Variants in RBFOX1 observed in about 807,000 individuals in gnomAD.
RBFOX1 encodes the protein RNA binding protein fox-1 homolog 1.
RBFOX1 carries 8 observed loss-of-function variants against 57.7 expected under a neutral mutation model. The observed-to-expected ratio is 0.14, with a 90% CI of 0.08 to 0.25. The LOEUF is 0.25. Ranked by LOEUF, RBFOX1 falls within the 10% of genes least tolerant of loss-of-function variation. The probability of loss-of-function intolerance (pLI) is 1.00; values close to 1 mark genes in which losing one functional copy is unlikely to be tolerated. For synonymous variants in RBFOX1, 326 were observed against 222.4 expected (o/e 1.47, Z -4.15); for missense variants, 611 against 548.5 (o/e 1.11, Z -1.14).
intron 3 of RBFOX1, among the ~76,000 whole-genome samples, chr16:6,997,839 G>A (rs1245520156): frequency 6.6e-6 from 1 of 152,116 alleles, no homozygotes; most frequent in Non-Finnish European, 1.5e-5. Context: ...TTGTCTTCTA[G>A]TAATAGCAGG....
chr16:5,956,779 T>C (rs911680014), intron 4 of RBFOX1, among the ~76,000 whole-genome samples: 1 of 150,000 alleles, frequency 6.7e-6, no homozygotes, highest in Non-Finnish European at 1.5e-5. Flanking sequence ...AGATGATCTT[T>C]CCACCTCAAC....
At chr16:7,016,029 C>G (rs1597081723) in intron 3 of RBFOX1, among the ~76,000 whole-genome samples, 1 of 152,114 alleles carries the variant, frequency 6.6e-6, no homozygotes, top group Non-Finnish European at 1.5e-5. Context: ...CTTGGAAAGA[C>G]TACACTTCCT....
rs932586369 is a variant in RBFOX1 at position 6,635,047 on chromosome 16, T to C, written c.-63-19556T>C. ...CAAATTATATATGACATGCATATTT[T>C]AATAGTTTAAATATATGTTATATAT... On this transcript the variant is annotated intron_variant, in intron 2 of 15. Transcript: ENST00000550418. Among the ~76,000 whole-genome samples, 48 of 139,422 alleles carry C rather than the reference T, an allele frequency of 3.4e-4. No individual in the cohort carries two copies. The East Asian group carries it at 8.1e-3, about 24-fold the overall frequency. The allele number at this position is 139,422 out of a possible 152,430, so 91.5% of individuals were successfully genotyped here. A position where few individuals can be genotyped will look rare whatever the true frequency, so the allele number is the denominator to read the frequency against.
At chr16:6,817,108 C>G (rs774366773) in intron 3 of RBFOX1, among the ~76,000 whole-genome samples, 2 of 152,098 alleles carry the variant, frequency 1.3e-5, no homozygotes, top group Non-Finnish European at 2.9e-5. Flanking sequence ...ACTGTGGATA[C>G]AGAACTGATG....
chr16:6,197,005 A>C (rs1046281322), intron 1 of RBFOX1, among the ~76,000 whole-genome samples: 1 of 152,214 alleles, frequency 6.6e-6, no homozygotes, highest in African/African-American at 2.4e-5. Context: ...GTGGAATAAA[A>C]AAGAAGAAAG....
At chr16:5,469,966 C>A (rs946750847) in intron 2 of RBFOX1, among the ~76,000 whole-genome samples, 1 of 152,100 alleles carries the variant, frequency 6.6e-6, no homozygotes, top group Non-Finnish European at 1.5e-5. Context: ...AACATTTGTG[C>A]CCATGTACTT....
intron 14 of RBFOX1, among the ~76,000 whole-genome samples, chr16:7,695,520 G>T (rs1158835155): frequency 1.3e-5 from 2 of 152,018 alleles, no homozygotes; most frequent in African/African-American, 2.4e-5. Flanking sequence ...GGGTGTGGTG[G>T]CACATGCCTG....
chr16:5,705,767 C>T (rs2051222053), intron 3 of RBFOX1, among the ~76,000 whole-genome samples: 1 of 152,200 alleles, frequency 6.6e-6, no homozygotes, highest in Non-Finnish European at 1.5e-5. Context: ...ATCACTCTGT[C>T]ATTCTCCTGG....
At chr16:7,663,774 T>G (rs2068424482) in intron 12 of RBFOX1, among the ~76,000 whole-genome samples, 1 of 152,194 alleles carries the variant, frequency 6.6e-6, no homozygotes, top group Non-Finnish European at 1.5e-5. Flanking sequence ...TAGAAACAGC[T>G]TCATATGCAA....
intron 4 of RBFOX1, among the ~76,000 whole-genome samples, chr16:7,212,295 C>T (rs1377565841): frequency 6.6e-6 from 1 of 152,134 alleles, no homozygotes; most frequent in Non-Finnish European, 1.5e-5. Context: ...AGTCCCTTTG[C>T]CTCTGCTGTT....
intron 3 of RBFOX1, among the ~76,000 whole-genome samples, chr16:6,953,810 G>A (rs892235515): frequency 3.3e-5 from 5 of 152,304 alleles, no homozygotes; most frequent in South Asian, 2.1e-4. Context: ...GTTTGCAACT[G>A]ATAGAACCGA....
chr16:6,936,133 C>T (rs1163600523), intron 3 of RBFOX1, among the ~76,000 whole-genome samples: 3 of 152,148 alleles, frequency 2.0e-5, no homozygotes, highest in Non-Finnish European at 2.9e-5. Flanking sequence ...CTTCTGTACA[C>T]TTGATGGATG....
chr16:7,409,912 G>T (rs2098405689), intron 4 of RBFOX1, among the ~76,000 whole-genome samples: 1 of 152,178 alleles, frequency 6.6e-6, no homozygotes, highest in Non-Finnish European at 1.5e-5. Flanking sequence ...TAAATGAGGG[G>T]AGGGGTCTTA....
intron 2 of RBFOX1, among the ~76,000 whole-genome samples, chr16:6,590,199 T>G (rs1307402021): frequency 6.6e-6 from 1 of 152,226 alleles, no homozygotes; most frequent in Non-Finnish European, 1.5e-5. Flanking sequence ...TCTCCTTGTT[T>G]AGAATTTCAA....
At chr16:5,846,770 G>T (rs979118780) in intron 3 of RBFOX1, among the ~76,000 whole-genome samples, 1 of 152,208 alleles carries the variant, frequency 6.6e-6, no homozygotes, top group African/African-American at 2.4e-5. Context: ...ATGGGTGGAT[G>T]TGAAGGACCA....
At chr16:6,888,028 G>C (rs770502478) in intron 3 of RBFOX1, among the ~76,000 whole-genome samples, 5 of 152,020 alleles carry the variant, frequency 3.3e-5, no homozygotes, top group Non-Finnish European at 7.4e-5. Flanking sequence ...ATTGATTTGA[G>C]GTGTTTGCTT....
intron 4 of RBFOX1, among the ~76,000 whole-genome samples, chr16:5,959,206 T>G (rs939705296): frequency 6.6e-6 from 1 of 152,218 alleles, no homozygotes; most frequent in Non-Finnish European, 1.5e-5. Flanking sequence ...GGCTTTCTAT[T>G]GCTCACTTGA....
chr16:7,701,898 C>T (rs1346540346), intron 14 of RBFOX1, among the ~76,000 whole-genome samples: 1 of 152,278 alleles, frequency 6.6e-6, no homozygotes, highest in South Asian at 2.1e-4. Flanking sequence ...TATGTTAATG[C>T]TTTCAGGAGG....
chr16:5,648,816 C>G (rs2049133952), intron 3 of RBFOX1, among the ~76,000 whole-genome samples: 1 of 152,176 alleles, frequency 6.6e-6, no homozygotes, highest in Non-Finnish European at 1.5e-5. Flanking sequence ...GTAATCCCAG[C>G]ACTTCGGGAG....
Sources: allele counts gnomAD v4.1 joint callset (sites outside exome capture counted in the v4.1 genomes callset), GRCh38; gene constraint gnomAD v4.1.1; transcripts MANE v1.5; gene names NCBI Gene and HGNC (gene_info 2026-07-23, HGNC 2026-07-21).